Variants in ARHGAP31 observed in about 807,000 individuals in gnomAD.
ARHGAP31 encodes the protein rho GTPase-activating protein 31.
A neutral mutation model predicts 113.9 loss-of-function variants in ARHGAP31; 34 were observed. That is an observed-to-expected ratio of 0.30 (90% CI 0.23 to 0.40). The LOEUF is 0.40. Among genes scored for constraint, ARHGAP31 ranks in the 10% least tolerant of loss-of-function variants. The pLI is 1.00. For missense variants in ARHGAP31, 1,548 were observed against 1,767.1 expected (o/e 0.88, Z 2.22); for synonymous variants, 650 against 684.8 (o/e 0.95, Z 0.79).
intron 4 of ARHGAP31, among the ~76,000 whole-genome samples, chr3:119,381,792 A>C (rs138543665): frequency 0.017 from 2,557 of 152,114 alleles, 78 homozygotes; most frequent in African/African-American, 0.056. Flanking sequence ...CGAGACCATC[A>C]TGGCTAACAC....
rs532464648 is a variant in ARHGAP31, at chr3:119,381,148, A to G, written c.431+162A>G. ...TGAACAGGTCACTATTATCAAAGTG[A>G]GTTGGTGTCTGACCAGGGACATTGG... On this transcript the variant is annotated intron_variant, in intron 4 of 11. Transcript: ENST00000264245. Among the ~76,000 whole-genome samples the G allele has an allele frequency of 2.0e-5, 3 of 152,292 alleles. No homozygotes were observed. The South Asian group carries it at 6.2e-4, about 32-fold the overall frequency.
chr3:119,349,904 A>G (rs2080096366), intron 1 of ARHGAP31, among the ~76,000 whole-genome samples: 1 of 152,172 alleles, frequency 6.6e-6, no homozygotes, highest in Non-Finnish European at 1.5e-5. Context: ...TCCACTATTG[A>G]GAATGGTCAT....
chr3:119,301,356 G>C (rs79274241), intron 1 of ARHGAP31, among the ~76,000 whole-genome samples: 13 of 152,348 alleles, frequency 8.5e-5, no homozygotes, highest in Admixed American at 8.5e-4. Flanking sequence ...GCGGGGTGAG[G>C]GAGAGCTGAA....
intron 11 of ARHGAP31, among the ~76,000 whole-genome samples, chr3:119,410,777 G>C (rs1342129149): frequency 6.6e-6 from 1 of 152,226 alleles, no homozygotes; most frequent in African/African-American, 2.4e-5. Context: ...TTTGTGCCAG[G>C]CACTGGCATC....
chr3:119,306,171 A>G (rs11926284), intron 1 of ARHGAP31, among the ~76,000 whole-genome samples: 46,077 of 152,082 alleles, frequency 0.3, 7,558 homozygotes, highest in African/African-American at 0.42. Context: ...TAATTTTAAA[A>G]TTAAATATTA....
At chr3:119,365,886 G>A (rs183866619) in intron 2 of ARHGAP31, among the ~76,000 whole-genome samples, 115 of 152,132 alleles carry the variant, frequency 7.6e-4, no homozygotes, top group African/African-American at 2.6e-3. Context: ...GATTGTGCAT[G>A]TCTCTAATTG....
rs184317366 is a variant in ARHGAP31, at chr3:119,354,502, G to A, written c.101-10814G>A. ...TGTGTGTGTGTGTGTGTGTGTGTGT[G>A]TGTGGTTTTTATGTGTGTGTGTGAG... On this transcript the variant is annotated intron_variant, in intron 1 of 11. Transcript: ENST00000264245. 3.3e-4 allele frequency among the ~76,000 whole-genome samples: 49 copies of A among 148,074 alleles called. 2 individuals carry two copies. In the East Asian group the frequency reaches 9.7e-3, roughly 29 times the overall value.
At chr3:119,393,819 C>T (rs1232516362) in intron 8 of ARHGAP31, among the ~76,000 whole-genome samples, 3 of 152,170 alleles carry the variant, frequency 2.0e-5, no homozygotes, top group Non-Finnish European at 4.4e-5. Flanking sequence ...CCAATGTTAA[C>T]ATCTTATATA....
At chr3:119,373,120 A>G (rs2080316484) in intron 3 of ARHGAP31, among the ~76,000 whole-genome samples, 1 of 152,150 alleles carries the variant, frequency 6.6e-6, no homozygotes, top group Non-Finnish European at 1.5e-5. Flanking sequence ...TAAAAATGGA[A>G]CTACATATAA....
chr3:119,372,062 A>G (rs562258695), intron 3 of ARHGAP31, among the ~76,000 whole-genome samples: 5 of 152,328 alleles, frequency 3.3e-5, no homozygotes, highest in South Asian at 4.1e-4. Context: ...TAGCACTGCA[A>G]TGAACATACG....
intron 1 of ARHGAP31, among the ~76,000 whole-genome samples, chr3:119,322,992 C>CG (rs1408418719): frequency 6.6e-6 from 1 of 152,244 alleles, no homozygotes; most frequent in Non-Finnish European, 1.5e-5. Context: ...TGCCCCGCCC[C>CG]GGGGTCCGGG....
At chr3:119,334,017 G>A (rs2079918954) in intron 1 of ARHGAP31, among the ~76,000 whole-genome samples, 1 of 152,156 alleles carries the variant, frequency 6.6e-6, no homozygotes, top group South Asian at 2.1e-4. Flanking sequence ...TCTTGGAGAA[G>A]GATATGACCC....
intron 1 of ARHGAP31, among the ~76,000 whole-genome samples, chr3:119,364,897 A>G (rs1450688588): frequency 7.9e-5 from 12 of 152,246 alleles, no homozygotes; most frequent in Non-Finnish European, 1.8e-4. Context: ...GTTGGAGACC[A>G]GCCTGGTCAA....
chr3:119,303,975 T>C (rs1021661459), intron 1 of ARHGAP31, among the ~76,000 whole-genome samples: 4 of 152,184 alleles, frequency 2.6e-5, no homozygotes, highest in South Asian at 2.1e-4. Context: ...TTCATATTTT[T>C]AATAGAGACA....
Position 119,415,784 on chromosome 3 carries a change from A to G in ARHGAP31, c.3855A>G (p.Gly1285=). Residue 1285 remains glycine (G), a synonymous_variant, in exon 12 of 12, where the codon GGA becomes GGG. Transcript: ENST00000264245. ...CCACTGCACCCTGCATGTGCGAGGGACCTACCCTTTCTCCAGAACCAGGCT... is the reference window on the plus strand; with the variant it reads ...CCACTGCACCCTGCATGTGCGAGGGGCCTACCCTTTCTCCAGAACCAGGCT... The part of the protein sequence containing the change: ...VDATAPCMCE[G]PTLSPEPGSS... The G allele has an allele frequency of 6.2e-7, 1 of 1,614,202 alleles. No individual in the cohort carries two copies. Among genetic ancestry groups the G allele is most frequent in the East Asian group, 2.2e-5 (1 of 44,888 alleles).
In ARHGAP31 at chr3:119,402,250, G is replaced by A; in HGVS notation, c.1498G>A (p.Ala500Thr). 1.2e-6 allele frequency: 2 copies of A among 1,614,234 alleles called. No homozygotes were observed. Among genetic ancestry groups the A allele is most frequent in the African/African-American group, 1.3e-5 (1 of 75,060 alleles). Residue 500 changes from alanine (A) to threonine (T), a missense_variant, in exon 10 of 12, where the codon GCA (alanine) becomes ACA (threonine). Physicochemically the swap from Ala to Thr is moderately conservative, Grantham distance 58 (BLOSUM62 0). Transcript: ENST00000264245. Reference sequence around the variant, plus strand: ...GGTATCTGTGCCGCTCCGCGTGTCCGCAGTCATCAGCACCAACAGCACGCC... The same window carrying A: ...GGTATCTGTGCCGCTCCGCGTGTCCACAGTCATCAGCACCAACAGCACGCC... ...FAVSVPLRVSAVISTNSTPCR... is the reference protein window; with the variant it reads ...FAVSVPLRVSTVISTNSTPCR...
chr3:119,408,343 G>C (rs1577033615), intron 10 of ARHGAP31, among the ~76,000 whole-genome samples: 1 of 152,212 alleles, frequency 6.6e-6, no homozygotes, highest in Admixed American at 6.5e-5. Context: ...TACCACTATT[G>C]TGAATTCTGA....
At chr3:119,407,375 A>AAAT (rs1213369361) in intron 10 of ARHGAP31, among the ~76,000 whole-genome samples, 47 of 150,974 alleles carry the variant, frequency 3.1e-4, no homozygotes, top group Non-Finnish European at 4.0e-4. Context: ...AAGAAAAAAA[A>AAAT]AATAAAGAAA....
At chr3:119,296,519 T>A (rs572447812) in intron 1 of ARHGAP31, among the ~76,000 whole-genome samples, 1 of 152,302 alleles carries the variant, frequency 6.6e-6, no homozygotes, top group South Asian at 2.1e-4. Context: ...CCAGGTACAC[T>A]AGGAATGCTC....
Sources: allele counts gnomAD v4.1 joint callset (sites outside exome capture counted in the v4.1 genomes callset), GRCh38; gene constraint gnomAD v4.1.1; transcripts MANE v1.5; gene names NCBI Gene and HGNC (gene_info 2026-07-23, HGNC 2026-07-21).